KPNA6: variants seen among roughly 807,000 people sequenced by gnomAD.
The protein encoded by KPNA6 is importin subunit alpha-7.
KPNA6 carries 9 observed loss-of-function variants against 72.0 expected under a neutral mutation model. That is an observed-to-expected ratio of 0.13 (90% CI 0.08 to 0.22). The LOEUF is 0.22. Ranked by LOEUF, KPNA6 falls within the 10% of genes least tolerant of loss-of-function variation. The pLI, the probability that KPNA6 is intolerant of heterozygous loss-of-function variation, is 1.00. For synonymous variants in KPNA6, 219 were observed against 242.1 expected, an observed-to-expected ratio of 0.90 and a Z score of 0.89; for missense variants, 374 against 655.7, an observed-to-expected ratio of 0.57 and a Z score of 4.69.
chr1:32,122,633 A>G (rs1347219865), intron 1 of KPNA6, among the ~76,000 whole-genome samples: 1 of 151,968 alleles, frequency 6.6e-6, no homozygotes, highest in Non-Finnish European at 1.5e-5. Context: ...TTAAAGAAAA[A>G]AGGAGAGAGA....
chr1:32,156,986 C>G, intron 3 of KPNA6, 41 bp downstream of exon 3: 1 of 1,453,694 alleles, frequency 6.9e-7, no homozygotes, highest in Non-Finnish European at 9.6e-7. Context: ...CTGGAAAACA[C>G]CTGCTTCTAA....
At chr1:32,139,569 G>A (rs114629531) in intron 1 of KPNA6, among the ~76,000 whole-genome samples, 1,686 of 152,106 alleles carry the variant, frequency 0.011, 25 homozygotes, top group African/African-American at 0.039. Context: ...AAGGGGTAAG[G>A]GTATGAGTTT....
chr1:32,125,230 G>T (rs1641511907), intron 1 of KPNA6, among the ~76,000 whole-genome samples: 1 of 152,212 alleles, frequency 6.6e-6, no homozygotes, highest in South Asian at 2.1e-4. Flanking sequence ...TTACAATCCA[G>T]TTTGGCAGTT....
At chr1:32,163,966 C>T (rs939157017) in intron 10 of KPNA6, among the ~76,000 whole-genome samples, 2 of 152,172 alleles carry the variant, frequency 1.3e-5, no homozygotes, top group Non-Finnish European at 2.9e-5. Context: ...GCATAAAGTA[C>T]ATTCACATTG....
At chr1:32,112,626 G>A (rs1164027531) in intron 1 of KPNA6, among the ~76,000 whole-genome samples, 1 of 152,024 alleles carries the variant, frequency 6.6e-6, no homozygotes, top group Non-Finnish European at 1.5e-5. Context: ...CTGAGTAGCT[G>A]GGATTACAGG....
chr1:32,133,963 C>A (rs904192560), intron 1 of KPNA6, among the ~76,000 whole-genome samples: 1 of 151,712 alleles, frequency 6.6e-6, no homozygotes, highest in Non-Finnish European at 1.5e-5. Flanking sequence ...TTGCTTGAGG[C>A]CAGGCGTGGT....
intron 4 of KPNA6, among the ~76,000 whole-genome samples, chr1:32,157,657 C>T (rs1642168095): frequency 6.6e-6 from 1 of 152,272 alleles, no homozygotes; most frequent in Non-Finnish European, 1.5e-5. Flanking sequence ...TAGCAACTCC[C>T]TTACTCCTAT....
intron 1 of KPNA6, among the ~76,000 whole-genome samples, chr1:32,135,386 CAG>C (rs1641716522): frequency 6.6e-6 from 1 of 151,812 alleles, no homozygotes; most frequent in African/African-American, 2.4e-5. Context: ...TTAGTAGAGA[CAG>C]GGTTTTGGCA....
At chr1:32,114,451 A>AATATAT (rs1553125089) in intron 1 of KPNA6, among the ~76,000 whole-genome samples, 3 of 145,522 alleles carry the variant, frequency 2.1e-5, no homozygotes, top group South Asian at 2.2e-4. Context: ...CAAAAAAAAA[A>AATATAT]ATATATATAT....
rs1378777390 is a variant in KPNA6, at chr1:32,174,027, T to C, written c.*3133T>C. ...TTAGTACTAACAGGGTGTCTGGTCT[T>C]AGAAGCCTCCCTTCAGATCCCAGCT... On this transcript the variant is annotated 3_prime_UTR_variant, in exon 14 of 14. Coordinates refer to ENST00000373625, the MANE Select transcript of KPNA6 (RefSeq NM_012316.5). 1 of 152,294 alleles carries C rather than the reference T, an allele frequency of 6.6e-6. No homozygotes were observed. Among genetic ancestry groups the C allele is most frequent in the South Asian group, 2.1e-4 (1 of 4,830 alleles). The allele number at this position is 152,294 out of a possible 1,614,324, so 9.4% of individuals were successfully genotyped here.
At chr1:32,144,444 A>T (rs1641897042) in intron 1 of KPNA6, among the ~76,000 whole-genome samples, 1 of 152,236 alleles carries the variant, frequency 6.6e-6, no homozygotes, top group Admixed American at 6.5e-5. Context: ...AAACTGAATA[A>T]GGGAGAAATC....
intron 1 of KPNA6, among the ~76,000 whole-genome samples, chr1:32,124,847 T>C (rs547426802): frequency 1.3e-5 from 2 of 150,322 alleles, no homozygotes; most frequent in African/African-American, 2.5e-5. Context: ...TTTAACTTAT[T>C]TATTTATTTA....
chr1:32,158,949 T>A (rs1164225408), intron 5 of KPNA6, among the ~76,000 whole-genome samples: 1 of 152,236 alleles, frequency 6.6e-6, no homozygotes, highest in Non-Finnish European at 1.5e-5. Context: ...TTAGCCTCTC[T>A]GGGTCTCTTG....
chr1:32,138,654 C>T (rs935811079), intron 1 of KPNA6, among the ~76,000 whole-genome samples: 2 of 151,770 alleles, frequency 1.3e-5, no homozygotes, highest in African/African-American at 4.8e-5. Context: ...TTGGTACACA[C>T]TGACATTGAG....
intron 1 of KPNA6, among the ~76,000 whole-genome samples, chr1:32,108,395 C>T (rs550305976): frequency 1.3e-5 from 2 of 152,388 alleles, no homozygotes; most frequent in South Asian, 4.1e-4. Context: ...GGGCAGGAGC[C>T]CACGTGTTCC....
intron 1 of KPNA6, among the ~76,000 whole-genome samples, chr1:32,141,557 C>T (rs1231023458): frequency 6.6e-6 from 1 of 151,708 alleles, no homozygotes; most frequent in East Asian, 1.9e-4. Context: ...ACCATCATGC[C>T]TGGCTAATTT....
At position 32,159,548 on chromosome 1, in the gene KPNA6, G is replaced by GTGTGAT; in HGVS notation, c.558+19_558+24dup. 1 of 1,611,672 alleles carries GTGTGAT rather than the reference G, an allele frequency of 6.2e-7. No individual in the cohort carries two copies. The highest frequency in any genetic ancestry group is 8.5e-7 in the Non-Finnish European group (1 of 1,178,822). ...CAGGAACAGGTAATGCTTAGATTTG[G>GTGTGAT]TGTGATTCTTTATAGTACCTGTGGT... On this transcript the variant is annotated intron_variant, in intron 6 of 13. Coordinates refer to ENST00000373625, the MANE Select transcript of KPNA6 (RefSeq NM_012316.5).
In KPNA6 at chr1:32,118,114, G is replaced by A. The variant is rs535372042; in HGVS notation, c.4+9980G>A. Among the ~76,000 whole-genome samples the A allele has an allele frequency of 5.9e-5, 9 of 152,082 alleles. No individual in the cohort carries two copies. The South Asian group carries it at 1.9e-3, about 32-fold the overall frequency. ...ATTGTTTGTATTTTTAGTAGAGACGGGGTTTCACCATGTTGGTCAGGCTGG... is the reference window on the plus strand; with the variant it reads ...ATTGTTTGTATTTTTAGTAGAGACGAGGTTTCACCATGTTGGTCAGGCTGG... On this transcript the variant is annotated intron_variant, in intron 1 of 13. Transcript: ENST00000373625.
intron 1 of KPNA6, among the ~76,000 whole-genome samples, chr1:32,132,867 C>T (rs186008887): frequency 1.3e-5 from 2 of 152,040 alleles, no homozygotes; most frequent in African/African-American, 4.8e-5. Flanking sequence ...GGCGCCACTG[C>T]ACTCCAGCCT....
Sources: gnomAD v4.1 joint callset for allele counts (sites outside exome capture counted in the v4.1 genomes callset) on GRCh38, gnomAD v4.1.1 for gene constraint, MANE v1.5 for transcripts, NCBI Gene and HGNC (gene_info 2026-07-23, HGNC 2026-07-21) for gene names.